MGAT4C: variants seen among roughly 807,000 people sequenced by gnomAD.
The protein encoded by MGAT4C is alpha-1,3-mannosyl-glycoprotein 4-beta-N-acetylglucosaminyltransferase C.
Under a neutral mutation model 40.1 loss-of-function variants are expected in MGAT4C, and 19 were observed. That is an observed-to-expected ratio of 0.47 (90% CI 0.33 to 0.70). The LOEUF (loss-of-function observed/expected upper bound fraction) is 0.70, where lower values mean the gene tolerates loss of function less well. MGAT4C is among the 30% of genes least tolerant of loss of function. MGAT4C has a pLI of 0.02. For synonymous variants in MGAT4C, 181 were observed against 187.1 expected (o/e 0.97, Z 0.27); for missense variants, 491 against 563.2 (o/e 0.87, Z 1.30).
chr12:86,481,356 A>G (rs540472394), intron 2 of MGAT4C, among the ~76,000 whole-genome samples: 1 of 152,196 alleles, frequency 6.6e-6, no homozygotes, highest in African/African-American at 2.4e-5. Flanking sequence ...TGTGAGGGAA[A>G]TGATTGCTCT....
At chr12:86,238,784 A>G (rs1021587015) in intron 1 of MGAT4C, among the ~76,000 whole-genome samples, 6 of 152,094 alleles carry the variant, frequency 3.9e-5, no homozygotes, top group Non-Finnish European at 7.4e-5. Context: ...AGGCTCTCAA[A>G]TGAGACAATG....
chr12:86,370,592 C>T (rs1232518331), intron 3 of MGAT4C, among the ~76,000 whole-genome samples: 2 of 151,808 alleles, frequency 1.3e-5, no homozygotes, highest in South Asian at 2.1e-4. Flanking sequence ...AGGAAATAAC[C>T]GGAATAGATT....
At chr12:86,425,853 C>G (rs1271845196) in intron 3 of MGAT4C, among the ~76,000 whole-genome samples, 5 of 152,090 alleles carry the variant, frequency 3.3e-5, no homozygotes, top group Non-Finnish European at 7.4e-5. Flanking sequence ...TAACTAAAGA[C>G]TCATTCTGAT....
chr12:86,396,512 T>C (rs1956266146), intron 3 of MGAT4C, among the ~76,000 whole-genome samples: 1 of 152,192 alleles, frequency 6.6e-6, no homozygotes, highest in East Asian at 1.9e-4. Flanking sequence ...TTGGCAATTA[T>C]CTGGATGCCC....
At chr12:86,689,234 C>A (rs1398050770) in intron 2 of MGAT4C, among the ~76,000 whole-genome samples, 1 of 152,190 alleles carries the variant, frequency 6.6e-6, no homozygotes, top group Non-Finnish European at 1.5e-5. Context: ...TTCTAGTTAG[C>A]AGTTCCTGTA....
intron 2 of MGAT4C, among the ~76,000 whole-genome samples, chr12:86,455,986 TCTA>T (rs1226320781): frequency 2.0e-5 from 3 of 152,088 alleles, no homozygotes; most frequent in African/African-American, 7.2e-5. Context: ...ATATGATACA[TCTA>T]CTATTAAGCA....
chr12:86,357,146 C>T (rs1592735749), intron 3 of MGAT4C, among the ~76,000 whole-genome samples: 1 of 152,178 alleles, frequency 6.6e-6, no homozygotes, highest in Non-Finnish European at 1.5e-5. Flanking sequence ...GAACAGGCAG[C>T]AATATTTGCT....
At chr12:85,997,406 G>A (rs564094495) in intron 2 of MGAT4C, among the ~76,000 whole-genome samples, 19 of 152,004 alleles carry the variant, frequency 1.2e-4, no homozygotes, top group African/African-American at 4.1e-4. Context: ...AAACAATCTC[G>A]CCTTCCCAAC....
At chr12:86,819,189 T>A (rs1952659193) in intron 1 of MGAT4C, among the ~76,000 whole-genome samples, 1 of 150,994 alleles carries the variant, frequency 6.6e-6, no homozygotes, top group African/African-American at 2.4e-5. Flanking sequence ...AATTATTATA[T>A]CTCAGTTTCT....
chr12:86,764,294 G>A (rs986540588), intron 1 of MGAT4C, among the ~76,000 whole-genome samples: 121 of 152,182 alleles, frequency 8.0e-4, no homozygotes, highest in African/African-American at 2.1e-3. Context: ...ACTGCAAGGC[G>A]GCAGCGAGGC....
chr12:86,596,716 A>G (rs1322217672), intron 2 of MGAT4C, among the ~76,000 whole-genome samples: 2 of 152,140 alleles, frequency 1.3e-5, no homozygotes, highest in East Asian at 3.9e-4. Context: ...AACAGAATAT[A>G]TCTGAGATAG....
chr12:86,550,933 A>G (rs761310080), intron 2 of MGAT4C, among the ~76,000 whole-genome samples: 8 of 152,280 alleles, frequency 5.3e-5, no homozygotes, highest in Non-Finnish European at 1.0e-4. Flanking sequence ...GCCGGGCCCA[A>G]TGTGGGTGCC....
chr12:86,721,804 T>G (rs1950741862), intron 2 of MGAT4C, among the ~76,000 whole-genome samples: 1 of 152,034 alleles, frequency 6.6e-6, no homozygotes, highest in Non-Finnish European at 1.5e-5. Flanking sequence ...CCAAGCTGGG[T>G]CCCTGATTGT....
At chr12:86,240,248 G>C (rs1340907986) in intron 1 of MGAT4C, among the ~76,000 whole-genome samples, 2 of 151,046 alleles carry the variant, frequency 1.3e-5, no homozygotes, top group South Asian at 2.1e-4. Flanking sequence ...CATCGCAAAA[G>C]AGTTACACAG....
intron 2 of MGAT4C, among the ~76,000 whole-genome samples, chr12:86,540,169 C>G (rs1314144402): frequency 6.6e-6 from 1 of 152,104 alleles, no homozygotes; most frequent in Non-Finnish European, 1.5e-5. Context: ...AACATTTAAG[C>G]CTTTAATCCA....
intron 1 of MGAT4C, among the ~76,000 whole-genome samples, chr12:86,809,670 A>T (rs1006878176): frequency 1.7e-4 from 26 of 151,674 alleles, no homozygotes; most frequent in African/African-American, 5.3e-4. Flanking sequence ...TGCCATTTTT[A>T]TATCCTCTTC....
At chr12:86,804,271 TG>T (rs1420303274) in intron 1 of MGAT4C, among the ~76,000 whole-genome samples, 8 of 76,182 alleles carry the variant, frequency 1.1e-4, no homozygotes, top group South Asian at 4.9e-4. Context: ...TGTAGTGGGG[TG>T]GGGGGAGGGG....
At chr12:86,242,735 C>A (rs965258992) in intron 1 of MGAT4C, among the ~76,000 whole-genome samples, 1 of 152,164 alleles carries the variant, frequency 6.6e-6, no homozygotes, top group Non-Finnish European at 1.5e-5. Context: ...TCCCATCCAA[C>A]CTTACCTTTA....
chr12:86,348,397 C>T (rs1955086377), intron 3 of MGAT4C, among the ~76,000 whole-genome samples: 2 of 151,920 alleles, frequency 1.3e-5, no homozygotes, highest in South Asian at 4.1e-4. Flanking sequence ...AGGCCTGTTA[C>T]CTAGTTGGGA....
Sources: allele counts gnomAD v4.1 joint callset (sites outside exome capture counted in the v4.1 genomes callset), GRCh38; gene constraint gnomAD v4.1.1; transcripts MANE v1.5; gene names NCBI Gene and HGNC (gene_info 2026-07-23, HGNC 2026-07-21).